The following PRKN variants were observed in gnomAD, a reference collection of about 807,000 sequenced individuals.
The protein encoded by PRKN is E3 ubiquitin-protein ligase parkin.
In PRKN, 56 loss-of-function variants were observed where a neutral mutation model predicts 59.5. The observed-to-expected ratio is 0.94, with a 90% CI of 0.76 to 1.18. The LOEUF is 1.18. PRKN is among the 50% of genes most tolerant of loss of function. The pLI is 0.00. For synonymous variants in PRKN, 250 were observed against 222.1 expected (o/e 1.13, Z -1.12); for missense variants, 657 against 596.4 (o/e 1.10, Z -1.06).
At chr6:162,441,022 C>T (rs1375753460) in intron 2 of PRKN, among the ~76,000 whole-genome samples, 1 of 151,958 alleles carries the variant, frequency 6.6e-6, no homozygotes, top group Non-Finnish European at 1.5e-5. Context: ...GCCAACTTCT[C>T]GGCACCTAAA....
At chr6:161,830,347 G>C (rs1449554978) in intron 6 of PRKN, among the ~76,000 whole-genome samples, 1 of 151,976 alleles carries the variant, frequency 6.6e-6, no homozygotes, top group African/African-American at 2.4e-5. Context: ...CGCCTCCTGG[G>C]TTCACGCCAT....
At chr6:162,252,687 G>A (rs1583270767) in intron 3 of PRKN, among the ~76,000 whole-genome samples, 2 of 152,190 alleles carry the variant, frequency 1.3e-5, no homozygotes, top group African/African-American at 2.4e-5. Flanking sequence ...GCCTTCGGCT[G>A]ACATCAGCTT....
At chr6:161,878,515 T>C (rs1458937010) in intron 6 of PRKN, among the ~76,000 whole-genome samples, 1 of 152,196 alleles carries the variant, frequency 6.6e-6, no homozygotes, top group Admixed American at 6.5e-5. Flanking sequence ...GTTTGAATTT[T>C]CTCATGCAAC....
At position 161,361,052 on chromosome 6, in the gene PRKN, T is replaced by G. The variant is rs1784959008; in HGVS notation, c.1168-847A>C. Reference sequence around the variant, plus strand: ...GAGCTGGGTGCTGCCTGCACCATCATGTATAAGGAGGTTTTCTGGTGGGGG... The same window carrying G: ...GAGCTGGGTGCTGCCTGCACCATCAGGTATAAGGAGGTTTTCTGGTGGGGG... On this transcript the variant is annotated intron_variant, in intron 10 of 11. Coordinates refer to ENST00000366898, the MANE Select transcript of PRKN (RefSeq NM_004562.3). This position sits in a 1 kb window ranked among gnomAD's most constrained non-coding sequence, Gnocchi z 5.2. Among the ~76,000 whole-genome samples the G allele has an allele frequency of 6.6e-6, 1 of 151,368 alleles. No individual in the cohort carries two copies. Among genetic ancestry groups the G allele is most frequent in the Non-Finnish European group, 1.5e-5 (1 of 67,924 alleles).
rs776264509 is a variant in PRKN, at chr6:161,546,069, A to C, written c.1083+2785T>G. 2.0e-4 allele frequency among the ~76,000 whole-genome samples: 30 copies of C among 152,364 alleles called. No individual in the cohort carries two copies. The highest frequency in any genetic ancestry group is 6.8e-3 in the Middle Eastern group (2 of 294). ...TCCTGGATTCTAGACTATTTGGAAGAGTATATCCAATGAATGCCATGTAAG... is the reference window on the plus strand; with the variant it reads ...TCCTGGATTCTAGACTATTTGGAAGCGTATATCCAATGAATGCCATGTAAG... On this transcript the variant is annotated intron_variant, in intron 9 of 11. Transcript: ENST00000366898. This position sits in a 1 kb window ranked among gnomAD's most constrained non-coding sequence, Gnocchi z 4.4.
chr6:161,455,131 C>T (rs370806246), intron 9 of PRKN, among the ~76,000 whole-genome samples: 2 of 151,900 alleles, frequency 1.3e-5, no homozygotes, highest in African/African-American at 4.8e-5. Context: ...CTCTGCCCCC[C>T]GGGTTCAAGC....
intron 4 of PRKN, among the ~76,000 whole-genome samples, chr6:162,148,483 T>C (rs9458469): frequency 0.023 from 3,483 of 152,172 alleles, 146 homozygotes; most frequent in African/African-American, 0.08. Flanking sequence ...CACAGCAGCA[T>C]AACTTGTAGC....
At chr6:162,043,957 C>T (rs1305338449) in intron 5 of PRKN, among the ~76,000 whole-genome samples, 4 of 152,118 alleles carry the variant, frequency 2.6e-5, no homozygotes, top group Admixed American at 6.5e-5. Flanking sequence ...ATCTTAATAA[C>T]CCAATAAATA....
At chr6:161,891,680 G>A (rs559629774) in intron 6 of PRKN, among the ~76,000 whole-genome samples, 1 of 152,316 alleles carries the variant, frequency 6.6e-6, no homozygotes, top group East Asian at 1.9e-4. Context: ...TTTGTGAAGT[G>A]CATGCATATC....
chr6:161,850,655 C>A (rs923339792), intron 6 of PRKN, among the ~76,000 whole-genome samples: 2 of 150,654 alleles, frequency 1.3e-5, no homozygotes, highest in Non-Finnish European at 2.9e-5. Context: ...TGAAGGGCTT[C>A]TTCCCGTTCA....
chr6:162,573,685 C>A (rs2128209395), intron 1 of PRKN, among the ~76,000 whole-genome samples: 1 of 152,266 alleles, frequency 6.6e-6, no homozygotes, highest in African/African-American at 2.4e-5. Context: ...CATCACCCAC[C>A]CCTTCCTAGT....
intron 9 of PRKN, among the ~76,000 whole-genome samples, chr6:161,398,054 G>C (rs1016342822): frequency 2.6e-5 from 4 of 152,142 alleles, no homozygotes; most frequent in African/African-American, 9.7e-5. Flanking sequence ...GAAAGTCGAG[G>C]CTAGGGAGAC....
At position 161,461,718 on chromosome 6, in the gene PRKN, T is replaced by A. The variant is rs547466905; in HGVS notation, c.1084-74841A>T. 6.6e-6 allele frequency among the ~76,000 whole-genome samples: 1 copy of A among 151,744 alleles called. No homozygotes were observed. The highest frequency in any genetic ancestry group is 2.4e-5 in the African/African-American group (1 of 41,384). On this transcript the variant is annotated intron_variant, in intron 9 of 11. Transcript: ENST00000366898. This position sits in a 1 kb window ranked among gnomAD's most constrained non-coding sequence, Gnocchi z 5.1. ...GGTTGCATGTGGGTGAGGGAAGAGG[T>A]GGAAAAATGAGCTCAAATATTGACA...
At chr6:161,890,886 AGAG>A (rs1343386030) in intron 6 of PRKN, among the ~76,000 whole-genome samples, 1 of 152,180 alleles carries the variant, frequency 6.6e-6, no homozygotes, top group African/African-American at 2.4e-5. Flanking sequence ...TCACTTCTTC[AGAG>A]GAGGACCTTG....
intron 4 of PRKN, among the ~76,000 whole-genome samples, chr6:162,071,600 T>C (rs1050750518): frequency 3.8e-4 from 2 of 5,274 alleles, no homozygotes; most frequent in East Asian, 0.023. Context: ...TGAATTTAAT[T>C]TTTTTTTTTT....
At chr6:162,573,453 C>T (rs1270148091) in intron 1 of PRKN, among the ~76,000 whole-genome samples, 1 of 152,182 alleles carries the variant, frequency 6.6e-6, no homozygotes, top group Admixed American at 6.5e-5. Flanking sequence ...GTTCTTCCAT[C>T]CTTTGAAACC....
intron 2 of PRKN, among the ~76,000 whole-genome samples, chr6:162,366,030 C>T (rs775799850): frequency 3.3e-5 from 5 of 152,098 alleles, no homozygotes; most frequent in Non-Finnish European, 7.4e-5. Flanking sequence ...TTTGTACACA[C>T]AAAATATTGA....
At chr6:161,952,928 C>T (rs927544138) in intron 6 of PRKN, among the ~76,000 whole-genome samples, 1 of 152,138 alleles carries the variant, frequency 6.6e-6, no homozygotes, top group South Asian at 2.1e-4. Flanking sequence ...AGTAGGATGA[C>T]GACGTGAGTC....
At position 161,901,511 on chromosome 6, in the gene PRKN, A is replaced by C. The variant is rs1473491873; in HGVS notation, c.734+71791T>G. Among the ~76,000 whole-genome samples, 2 of 151,944 alleles carry C rather than the reference A, an allele frequency of 1.3e-5. 1 individual carries two copies. Among genetic ancestry groups the C allele is most frequent in the Admixed American group, 1.3e-4 (2 of 15,248 alleles). ...TATTACAAAGCTGCCAAGACAACAC[A>C]CCTCAGATTTTCTGAAATGGTCTAA... On this transcript the variant is annotated intron_variant, in intron 6 of 11. Coordinates refer to ENST00000366898, the MANE Select transcript of PRKN (RefSeq NM_004562.3).
Sources: allele counts gnomAD v4.1 joint callset (sites outside exome capture counted in the v4.1 genomes callset), GRCh38; gene constraint gnomAD v4.1.1; non-coding constraint Gnocchi (gnomAD v3.1); transcripts MANE v1.5; gene names NCBI Gene and HGNC (gene_info 2026-07-23, HGNC 2026-07-21).